Variants in PARD3B observed in about 807,000 individuals in gnomAD.
PARD3B encodes par-3 family cell polarity regulator beta.
PARD3B carries 103 observed loss-of-function variants against 130.2 expected under a neutral mutation model. The observed-to-expected ratio is 0.79, with a 90% CI of 0.67 to 0.93. The LOEUF (loss-of-function observed/expected upper bound fraction) is 0.93. PARD3B is among the 40% of genes least tolerant of loss of function. The pLI, the probability that PARD3B is intolerant of heterozygous loss-of-function variation, is 0.00. For synonymous variants in PARD3B, 583 were observed against 553.2 expected (o/e 1.05, Z -0.76); for missense variants, 1,609 against 1,499.2 (o/e 1.07, Z -1.21).
chr2:204,985,324 C>G (rs1485517181), intron 3 of PARD3B, among the ~76,000 whole-genome samples: 2 of 152,050 alleles, frequency 1.3e-5, no homozygotes, highest in African/African-American at 4.8e-5. Flanking sequence ...GAATGATAAT[C>G]TATATGAACT....
At chr2:204,611,578 T>C (rs1233804185) in intron 1 of PARD3B, among the ~76,000 whole-genome samples, 1 of 152,164 alleles carries the variant, frequency 6.6e-6, no homozygotes, top group Non-Finnish European at 1.5e-5. Context: ...TTCTTCCTCA[T>C]CTCCTTTATA....
intron 20 of PARD3B, among the ~76,000 whole-genome samples, chr2:205,454,992 A>G (rs1284299839): frequency 6.6e-6 from 1 of 152,146 alleles, no homozygotes; most frequent in Non-Finnish European, 1.5e-5. Context: ...CAACATTTAT[A>G]TTAATTAGTA....
chr2:205,129,609 C>T (rs2031801132), intron 10 of PARD3B, among the ~76,000 whole-genome samples: 1 of 151,874 alleles, frequency 6.6e-6, no homozygotes, highest in Admixed American at 6.5e-5. Context: ...GGAAAACAAA[C>T]TGTGTTTATT....
intron 7 of PARD3B, among the ~76,000 whole-genome samples, chr2:205,119,783 A>AAAAT (rs912372021): frequency 4.6e-5 from 7 of 152,280 alleles, no homozygotes; most frequent in African/African-American, 9.6e-5. Flanking sequence ...CTCCGTCTTC[A>AAAAT]AAATAAATAA....
chr2:204,865,909 G>A (rs919207744), intron 2 of PARD3B, among the ~76,000 whole-genome samples: 1 of 152,152 alleles, frequency 6.6e-6, no homozygotes, highest in African/African-American at 2.4e-5. Context: ...CTGTGCTCTT[G>A]TTGCTTAATC....
chr2:205,169,099 T>C (rs1481292036), intron 11 of PARD3B, among the ~76,000 whole-genome samples: 2 of 152,176 alleles, frequency 1.3e-5, no homozygotes, highest in Admixed American at 1.3e-4. Flanking sequence ...AATTCAGTGA[T>C]TATATTCTAA....
intron 2 of PARD3B, among the ~76,000 whole-genome samples, chr2:204,949,650 T>C (rs887227642): frequency 6.6e-6 from 1 of 152,194 alleles, no homozygotes; most frequent in African/African-American, 2.4e-5. Flanking sequence ...TTTCATGTGA[T>C]AGTTATCATC....
chr2:204,546,645 A>C (rs2029961114), intron 1 of PARD3B, among the ~76,000 whole-genome samples: 1 of 152,140 alleles, frequency 6.6e-6, no homozygotes, highest in South Asian at 2.1e-4. Flanking sequence ...GCCCTGTCTC[A>C]GTGACTTGGG....
At chr2:204,563,402 A>G (rs994603844) in intron 1 of PARD3B, among the ~76,000 whole-genome samples, 1 of 151,576 alleles carries the variant, frequency 6.6e-6, no homozygotes, top group Admixed American at 6.6e-5. Flanking sequence ...GGTGGGGGGG[A>G]CTGGGATCTC....
At chr2:204,782,901 T>A (rs1315953599) in intron 2 of PARD3B, among the ~76,000 whole-genome samples, 2 of 152,078 alleles carry the variant, frequency 1.3e-5, no homozygotes, top group Non-Finnish European at 2.9e-5. Flanking sequence ...CAGTTCAAAT[T>A]TCTGACAAGA....
At chr2:205,353,467 G>A (rs945298595) in intron 18 of PARD3B, among the ~76,000 whole-genome samples, 3 of 152,232 alleles carry the variant, frequency 2.0e-5, no homozygotes, top group African/African-American at 7.2e-5. Flanking sequence ...CACAATTTCT[G>A]AAATATACTG....
intron 1 of PARD3B, among the ~76,000 whole-genome samples, chr2:204,604,485 A>T (rs560839656): frequency 7.2e-4 from 110 of 152,316 alleles, no homozygotes; most frequent in African/African-American, 2.5e-3. Flanking sequence ...TAGAGCACAG[A>T]TATCTGCTCC....
chr2:205,113,889 A>G (rs542588195), intron 6 of PARD3B, among the ~76,000 whole-genome samples: 1 of 152,280 alleles, frequency 6.6e-6, no homozygotes, highest in Non-Finnish European at 1.5e-5. Flanking sequence ...ATTGTTAGAC[A>G]AATGTTGCAA....
At chr2:204,630,140 A>G (rs979772498) in intron 1 of PARD3B, among the ~76,000 whole-genome samples, 2 of 152,164 alleles carry the variant, frequency 1.3e-5, no homozygotes, top group African/African-American at 4.8e-5. Flanking sequence ...GGCCTCATCT[A>G]GTACCCTCTA....
intron 2 of PARD3B, among the ~76,000 whole-genome samples, chr2:204,827,686 C>T (rs2043637267): frequency 6.6e-6 from 1 of 152,188 alleles, no homozygotes; most frequent in Non-Finnish European, 1.5e-5. Context: ...GAAAATCTGT[C>T]AAGATAAATT....
chr2:204,705,707 T>C (rs1262505969), intron 2 of PARD3B, among the ~76,000 whole-genome samples: 1 of 152,204 alleles, frequency 6.6e-6, no homozygotes, highest in Non-Finnish European at 1.5e-5. Context: ...AATGTGTCTC[T>C]GTACTTGGGA....
rs1180348691 is a variant in PARD3B, at chr2:205,104,485, A to G, written c.564A>G (p.Leu188=). ...TGAATGGTGTACAGACAGAACTACT[A>G]ACTTCGCCAAGAACTAAGGACACAT... ...EVLNGVQTEL[L]TSPRTKDTLS... Residue 188 remains leucine (L), a synonymous_variant, in exon 5 of 23, where the codon CTA becomes CTG. Transcript: ENST00000406610. The G allele has an allele frequency of 6.3e-7, 1 of 1,589,156 alleles. No individual in the cohort carries two copies. Among genetic ancestry groups the G allele is most frequent in the Non-Finnish European group, 8.6e-7 (1 of 1,157,416 alleles).
At chr2:205,514,317 A>G (rs570827559) in intron 21 of PARD3B, among the ~76,000 whole-genome samples, 1 of 152,130 alleles carries the variant, frequency 6.6e-6, no homozygotes, top group Non-Finnish European at 1.5e-5. Context: ...CATCCAATGC[A>G]GGAACACACA....
chr2:205,153,252 G>T (rs2033884324), intron 10 of PARD3B, among the ~76,000 whole-genome samples: 1 of 152,166 alleles, frequency 6.6e-6, no homozygotes, highest in African/African-American at 2.4e-5. Context: ...CACTTGAAGA[G>T]GCAGTCTGTC....
Sources: allele counts gnomAD v4.1 joint callset (sites outside exome capture counted in the v4.1 genomes callset), GRCh38; gene constraint gnomAD v4.1.1; transcripts MANE v1.5; gene names NCBI Gene and HGNC (gene_info 2026-07-23, HGNC 2026-07-21).